Variants in DIO1 observed in about 807,000 individuals in gnomAD.
DIO1 encodes iodothyronine deiodinase 1.
DIO1 carries 17 observed loss-of-function variants against 25.9 expected under a neutral mutation model. The observed-to-expected ratio is 0.66, with a 90% confidence interval of 0.45 to 0.98. The LOEUF (loss-of-function observed/expected upper bound fraction) is 0.98. Among genes scored for constraint, DIO1 ranks in the 50% least tolerant of loss-of-function variants. DIO1 has a pLI of 0.00. For synonymous variants in DIO1, 115 were observed against 114.0 expected (o/e 1.01, Z -0.05); for missense variants, 270 against 310.4 (o/e 0.87, Z 0.98).
At chr1:53,909,237 G>A (rs1651814031) in intron 3 of DIO1, among the ~76,000 whole-genome samples, 1 of 151,304 alleles carries the variant, frequency 6.6e-6, no homozygotes, top group African/African-American at 2.4e-5. Flanking sequence ...CCCACGTGGC[G>A]AAACCCTGTC....
At chr1:53,895,688 C>G (rs1168138321) in intron 1 of DIO1, among the ~76,000 whole-genome samples, 3 of 152,240 alleles carry the variant, frequency 2.0e-5, no homozygotes, top group Non-Finnish European at 4.4e-5. Context: ...GAAGCCCAGG[C>G]TCAGCCTTGG....
intron 2 of DIO1, among the ~76,000 whole-genome samples, chr1:53,905,458 A>G (rs1418029231): frequency 6.6e-6 from 1 of 152,130 alleles, no homozygotes; most frequent in East Asian, 1.9e-4. Flanking sequence ...TACAGTCGTG[A>G]GCCACTGCAC....
intron 2 of DIO1, among the ~76,000 whole-genome samples, chr1:53,905,530 C>T (rs1001905845): frequency 8.5e-5 from 13 of 152,168 alleles, no homozygotes; most frequent in Admixed American, 5.2e-4. Flanking sequence ...AAAAATAGTA[C>T]TTAAACTCAG....
Position 53,894,584 on chromosome 1 carries a change from A to G in DIO1, c.337+37A>G. 6.4e-7 allele frequency: 1 copy of G among 1,565,148 alleles called. No individual in the cohort carries two copies. The highest frequency in any genetic ancestry group is 8.7e-7 in the Non-Finnish European group (1 of 1,150,014). ...GCCACACACTTGAGGGGTGCTTGAA[A>G]TAGCAGTGGTAGAGGGGGATGAAGA... On this transcript the variant is annotated intron_variant, in intron 1 of 3. Transcript: ENST00000361921. This position sits in a 1 kb window ranked among gnomAD's most constrained non-coding sequence, Gnocchi z 4.9.
In DIO1 at chr1:53,910,135, C is replaced by A. The variant is rs1028710260; in HGVS notation, c.*136C>A. On this transcript the variant is annotated 3_prime_UTR_variant, in exon 4 of 4. Coordinates refer to ENST00000361921, the MANE Select transcript of DIO1 (RefSeq NM_000792.7). ...CTAGCTCAGATTTTTCTGATCTAAG[C>A]AAACAACTCCCAGCTGAGGAATGCA... 5.6e-6 allele frequency: 4 copies of A among 720,312 alleles called. No individual in the cohort carries two copies. Among genetic ancestry groups the A allele is most frequent in the African/African-American group, 5.2e-5 (3 of 57,468 alleles). 44.6% of individuals were successfully genotyped at this position (720,312 alleles called of 1,614,324 possible). A position where few individuals can be genotyped will look rare whatever the true frequency, so the allele number is the denominator to read the frequency against.
At chr1:53,905,653 G>A (rs116602698) in intron 2 of DIO1, among the ~76,000 whole-genome samples, 2,005 of 152,268 alleles carry the variant, frequency 0.013, 48 homozygotes, top group African/African-American at 0.045. Context: ...TCCAGGTGAC[G>A]CTGATGCTGT....
At chr1:53,901,470 A>G (rs1651363430) in intron 1 of DIO1, among the ~76,000 whole-genome samples, 1 of 152,086 alleles carries the variant, frequency 6.6e-6, no homozygotes, top group African/African-American at 2.4e-5. Flanking sequence ...GGAACCCATC[A>G]CCATCCCTTA....
chr1:53,901,456 C>T (rs1321425239), intron 1 of DIO1, among the ~76,000 whole-genome samples: 1 of 152,120 alleles, frequency 6.6e-6, no homozygotes, highest in Non-Finnish European at 1.5e-5. Flanking sequence ...TTGTGGTTGC[C>T]ATGGGAACCC....
At chr1:53,896,825 TGAA>T (rs923308883) in intron 1 of DIO1, among the ~76,000 whole-genome samples, 26 of 152,162 alleles carry the variant, frequency 1.7e-4, no homozygotes, top group Admixed American at 1.4e-3. Context: ...AACTAGGTCT[TGAA>T]GAATGAGTCA....
Position 53,910,328 on chromosome 1 carries a change from G to A in DIO1, c.*329G>A. On this transcript the variant is annotated 3_prime_UTR_variant, in exon 4 of 4. Transcript: ENST00000361921. The stretch of plus-strand genomic sequence containing the variant: ...TTCCCTGCACACGGTCTTTGAGAGA[G>A]CAGTTGCACTCTACAGGCACACTTC... 1 of 309,446 alleles carries A rather than the reference G, an allele frequency of 3.2e-6. No individual in the cohort carries two copies. Among genetic ancestry groups the A allele is most frequent in the South Asian group, 4.6e-5 (1 of 21,926 alleles). 19.2% of individuals were successfully genotyped at this position (309,446 alleles called of 1,614,324 possible).
chr1:53,898,786 G>A (rs1651213254), intron 1 of DIO1, among the ~76,000 whole-genome samples: 1 of 150,858 alleles, frequency 6.6e-6, no homozygotes, highest in South Asian at 2.1e-4. Flanking sequence ...AACTACTTTG[G>A]AAACCCACCA....
Position 53,910,945 on chromosome 1 carries a change from T to G in DIO1, c.*946T>G, listed in dbSNP as rs1651917873. ...TCAAACTGATGGATAGCCATTGGTA[T>G]TCATCTATTTTAACTCTGTGTCTTT... On this transcript the variant is annotated 3_prime_UTR_variant, in exon 4 of 4. Transcript: ENST00000361921. 6.5e-6 allele frequency: 1 copy of G among 152,700 alleles called. No homozygotes were observed. The highest frequency in any genetic ancestry group is 1.9e-4 in the East Asian group (1 of 5,204). 9.5% of individuals were successfully genotyped at this position (152,700 alleles called of 1,614,324 possible).
chr1:53,900,982 CTTTTTTTTT>C lies in DIO1; in HGVS notation c.338-3663_338-3655del, dbSNP rs71063891. Reference sequence around the variant, plus strand: ...GGCACACCCTACCAGGGCCAGCTAACTTTTTTTTTTTTTTTTTTTTTTTTTTTTTCAGAG... The same window carrying C: ...GGCACACCCTACCAGGGCCAGCTAACTTTTTTTTTTTTTTTTTTTTCAGAG... On this transcript the variant is annotated intron_variant, in intron 1 of 3. Transcript: ENST00000361921. 5.2e-3 allele frequency among the ~76,000 whole-genome samples: 376 copies of C among 72,084 alleles called. 4 individuals are homozygous for C. The highest frequency in any genetic ancestry group is 0.019 in the African/African-American group (344 of 17,736). 47.3% of individuals were successfully genotyped at this position (72,084 alleles called of 152,430 possible).
chr1:53,908,450 G>A lies in DIO1; in HGVS notation c.682-1481G>A, dbSNP rs144873740. 6.0e-4 allele frequency among the ~76,000 whole-genome samples: 91 copies of A among 152,294 alleles called. No individual in the cohort carries two copies. In the East Asian group the frequency reaches 0.016, roughly 27 times the overall value. On this transcript the variant is annotated intron_variant, in intron 3 of 3. Transcript: ENST00000361921. Reference sequence around the variant, plus strand: ...TCAATTCTGCTGTTATAGCACAACAGCAGCTGCAGACGACATGCAAATGAA... The same window carrying A: ...TCAATTCTGCTGTTATAGCACAACAACAGCTGCAGACGACATGCAAATGAA...
chr1:53,909,842 ACCT>A (rs755738403), intron 3 of DIO1, 86 bp from the exon 4 acceptor site: 50 of 1,263,722 alleles, frequency 4.0e-5, no homozygotes, highest in Non-Finnish European at 5.6e-5. Flanking sequence ...TCATTTGACC[ACCT>A]CTTGCAACTA....
Position 53,910,855 on chromosome 1 carries a change from T to G in DIO1, c.*856T>G, listed in dbSNP as rs936661077. 1.3e-5 allele frequency: 2 copies of G among 152,666 alleles called. No individual in the cohort carries two copies. The highest frequency in any genetic ancestry group is 4.8e-5 in the African/African-American group (2 of 41,456). 9.5% of individuals were successfully genotyped at this position (152,666 alleles called of 1,614,324 possible). A position where few individuals can be genotyped will look rare whatever the true frequency, so the allele number is the denominator to read the frequency against. ...TGTCATTCAGTTATGCAGAAGCTCA[T>G]TTGTGAAATTCTGTTTCTCTGATTT... On this transcript the variant is annotated 3_prime_UTR_variant, in exon 4 of 4. Coordinates refer to ENST00000361921, the MANE Select transcript of DIO1 (RefSeq NM_000792.7).
intron 1 of DIO1, among the ~76,000 whole-genome samples, chr1:53,895,031 A>C (rs1184406362): frequency 1.3e-5 from 2 of 152,030 alleles, no homozygotes; most frequent in Non-Finnish European, 1.5e-5. Flanking sequence ...TGCTTCCCTC[A>C]CTAGTCTGCA....
At chr1:53,901,388 G>A (rs1336134528) in intron 1 of DIO1, among the ~76,000 whole-genome samples, 1 of 152,118 alleles carries the variant, frequency 6.6e-6, no homozygotes, top group Non-Finnish European at 1.5e-5. Flanking sequence ...AACAATATCA[G>A]CTGGTCTTGA....
chr1:53,899,581 C>G (rs1430076551), intron 1 of DIO1, among the ~76,000 whole-genome samples: 1 of 152,236 alleles, frequency 6.6e-6, no homozygotes. Flanking sequence ...CTTCCAGGGT[C>G]TGAATCAGTG....
Sources: allele counts gnomAD v4.1 joint callset (sites outside exome capture counted in the v4.1 genomes callset), GRCh38; gene constraint gnomAD v4.1.1; non-coding constraint Gnocchi (gnomAD v3.1); transcripts MANE v1.5; gene names NCBI Gene and HGNC (gene_info 2026-07-23, HGNC 2026-07-21).